Variants in BMPR1B observed in about 807,000 individuals in gnomAD.
The protein encoded by BMPR1B is bone morphogenetic protein receptor type-1B.
In BMPR1B, 12 loss-of-function variants were observed where a neutral mutation model predicts 59.1. The observed-to-expected ratio is 0.20, with a 90% CI of 0.13 to 0.33. BMPR1B has a LOEUF of 0.33. Among genes scored for constraint, BMPR1B ranks in the 10% least tolerant of loss-of-function variants. BMPR1B has a pLI of 1.00. For missense variants in BMPR1B, 550 were observed against 610.9 expected (o/e 0.90, Z 1.05); for synonymous variants, 237 against 207.3 (o/e 1.14, Z -1.23).
chr4:94,818,632 G>C (rs1400620351), intron 1 of BMPR1B, among the ~76,000 whole-genome samples: 1 of 152,190 alleles, frequency 6.6e-6, no homozygotes, highest in Non-Finnish European at 1.5e-5. Flanking sequence ...ATTTTAAAAT[G>C]CTCCTGAATT....
At chr4:94,884,861 G>A (rs1224216927) in intron 2 of BMPR1B, among the ~76,000 whole-genome samples, 1 of 152,170 alleles carries the variant, frequency 6.6e-6, no homozygotes, top group African/African-American at 2.4e-5. Context: ...CTTGTGATTT[G>A]CTTTAGCCAA....
At chr4:94,821,452 AT>A (rs869161057) in intron 1 of BMPR1B, among the ~76,000 whole-genome samples, 1 of 151,958 alleles carries the variant, frequency 6.6e-6, no homozygotes, top group African/African-American at 2.4e-5. Context: ...TTCTATAAAT[AT>A]TTTTTAAAAT....
At chr4:94,796,264 C>G (rs1723192156) in intron 1 of BMPR1B, among the ~76,000 whole-genome samples, 1 of 152,198 alleles carries the variant, frequency 6.6e-6, no homozygotes, top group Non-Finnish European at 1.5e-5. Flanking sequence ...CATGCCCGGC[C>G]TAGGTTTACA....
chr4:95,007,298 A>G (rs1722914647), intron 3 of BMPR1B, among the ~76,000 whole-genome samples: 1 of 152,188 alleles, frequency 6.6e-6, no homozygotes, highest in South Asian at 2.1e-4. Context: ...GAATTTTTAG[A>G]ACACATCATT....
At chr4:95,057,337 C>T (rs780626124) in intron 3 of BMPR1B, among the ~76,000 whole-genome samples, 6 of 151,990 alleles carry the variant, frequency 3.9e-5, no homozygotes, top group Admixed American at 3.3e-4. Context: ...CTCCGCCTCC[C>T]GAGTTCAAGT....
At chr4:94,891,374 A>G (rs537584277) in intron 2 of BMPR1B, among the ~76,000 whole-genome samples, 33 of 152,154 alleles carry the variant, frequency 2.2e-4, no homozygotes, top group Non-Finnish European at 4.4e-4. Context: ...ACAGATACAT[A>G]TATGAAAAAT....
At chr4:94,799,918 T>C (rs1008515003) in intron 1 of BMPR1B, among the ~76,000 whole-genome samples, 1 of 151,940 alleles carries the variant, frequency 6.6e-6, no homozygotes, top group Admixed American at 6.6e-5. Context: ...CTCAAACTCA[T>C]GGCCTCAAGT....
intron 2 of BMPR1B, among the ~76,000 whole-genome samples, chr4:94,909,216 G>A (rs995837315): frequency 5.9e-5 from 9 of 152,002 alleles, no homozygotes; most frequent in African/African-American, 1.9e-4. Context: ...TTAAGTCTGG[G>A]AATATAATTA....
At chr4:94,942,129 G>A (rs180741425) in intron 2 of BMPR1B, among the ~76,000 whole-genome samples, 17 of 152,282 alleles carry the variant, frequency 1.1e-4, no homozygotes, top group Admixed American at 3.3e-4. Flanking sequence ...CTGATAAGTG[G>A]GATTTTCCTT....
chr4:95,072,102 A>G (rs1728351607), intron 3 of BMPR1B, among the ~76,000 whole-genome samples: 1 of 152,110 alleles, frequency 6.6e-6, no homozygotes, highest in African/African-American at 2.4e-5. Context: ...GGGAGGTTTC[A>G]GTTCAAGTGC....
intron 3 of BMPR1B, among the ~76,000 whole-genome samples, chr4:95,026,170 C>CTTTCTTTCTT (rs1724404355): frequency 2.2e-5 from 3 of 133,690 alleles, no homozygotes; most frequent in African/African-American, 5.7e-5. Context: ...TTCTCTTTTT[C>CTTTCTTTCTT]TCTTTCTGTA....
At chr4:94,951,909 G>T (rs182466608) in intron 2 of BMPR1B, among the ~76,000 whole-genome samples, 9 of 151,946 alleles carry the variant, frequency 5.9e-5, no homozygotes, top group Admixed American at 2.6e-4. Context: ...GGTTGGTAGG[G>T]TATTAATTAC....
At chr4:95,140,387 C>G (rs1329717869) in intron 10 of BMPR1B, among the ~76,000 whole-genome samples, 1 of 152,198 alleles carries the variant, frequency 6.6e-6, no homozygotes, top group Admixed American at 6.5e-5. Context: ...TTACATTCTA[C>G]AAACTCTCCA....
intron 3 of BMPR1B, among the ~76,000 whole-genome samples, chr4:95,017,775 C>T (rs529495913): frequency 1.1e-3 from 171 of 152,136 alleles, no homozygotes; most frequent in African/African-American, 3.8e-3. Flanking sequence ...TTGAAATGGC[C>T]TTGGTATATA....
chr4:94,799,064 T>C (rs1327476077), intron 1 of BMPR1B, among the ~76,000 whole-genome samples: 1 of 150,552 alleles, frequency 6.6e-6, no homozygotes, highest in East Asian at 2.0e-4. Context: ...CCCATAAAGG[T>C]TTTCTCTCTA....
chr4:94,942,329 A>G (rs1322177560), intron 2 of BMPR1B, among the ~76,000 whole-genome samples: 1 of 152,256 alleles, frequency 6.6e-6, no homozygotes, highest in Non-Finnish European at 1.5e-5. Flanking sequence ...GAAGTAAACA[A>G]CATGTCTTTA....
intron 1 of BMPR1B, among the ~76,000 whole-genome samples, chr4:94,822,183 C>G (rs1724232730): frequency 6.6e-6 from 1 of 152,182 alleles, no homozygotes; most frequent in Non-Finnish European, 1.5e-5. Context: ...CAGATAAGCT[C>G]TTCTGTAAAG....
intron 1 of BMPR1B, among the ~76,000 whole-genome samples, chr4:94,851,285 A>G (rs1725559119): frequency 6.6e-6 from 1 of 152,164 alleles, no homozygotes. Flanking sequence ...AAACCAGTTC[A>G]TTGGTTTCTA....
intron 2 of BMPR1B, among the ~76,000 whole-genome samples, chr4:94,947,748 T>C (rs1471459333): frequency 1.3e-5 from 2 of 152,206 alleles, no homozygotes; most frequent in Non-Finnish European, 2.9e-5. Context: ...CTGGTCTGTC[T>C]TATCTCCTGT....
Sources: gnomAD v4.1 joint callset for allele counts (sites outside exome capture counted in the v4.1 genomes callset) on GRCh38, gnomAD v4.1.1 for gene constraint, MANE v1.5 for transcripts, NCBI Gene and HGNC (gene_info 2026-07-23, HGNC 2026-07-21) for gene names.